NHSL1: variants seen among roughly 807,000 people sequenced by gnomAD.
The protein encoded by NHSL1 is NHS-like protein 1.
A neutral mutation model predicts 95.0 loss-of-function variants in NHSL1; 48 were observed. That is an observed-to-expected ratio of 0.51 (90% CI 0.40 to 0.64). NHSL1 has a LOEUF of 0.64. Among genes scored for constraint, NHSL1 ranks in the 30% least tolerant of loss-of-function variants. NHSL1 has a pLI of 0.00. For missense variants in NHSL1, 1,971 were observed against 2,077.7 expected (o/e 0.95, Z 1.00); for synonymous variants, 783 against 833.9 (o/e 0.94, Z 1.05).
intron 1 of NHSL1, among the ~76,000 whole-genome samples, chr6:138,613,642 T>C (rs562995865): frequency 3.3e-5 from 5 of 152,182 alleles, no homozygotes; most frequent in African/African-American, 1.2e-4. Flanking sequence ...CTGCCCTGCA[T>C]CCTGCCTTCA....
intron 1 of NHSL1, among the ~76,000 whole-genome samples, chr6:138,510,476 T>C (rs983681819): frequency 3.9e-5 from 6 of 152,196 alleles, no homozygotes; most frequent in African/African-American, 1.4e-4. Context: ...TCAAAACATT[T>C]TTTTCATTGT....
chr6:138,444,577 A>AT (rs536970644), intron 4 of NHSL1, among the ~76,000 whole-genome samples: 5,921 of 139,600 alleles, frequency 0.042, 168 homozygotes, highest in Middle Eastern at 0.059. Flanking sequence ...TGAAATCGCC[A>AT]TTTTTTTTTT....
At chr6:138,666,221 T>A (rs1169032672) in intron 1 of NHSL1, among the ~76,000 whole-genome samples, 1 of 152,098 alleles carries the variant, frequency 6.6e-6, no homozygotes, top group Non-Finnish European at 1.5e-5. Flanking sequence ...GAGAATCACT[T>A]CAACCCCAGA....
chr6:138,669,806 C>A (rs1397926753), intron 1 of NHSL1, among the ~76,000 whole-genome samples: 1 of 152,162 alleles, frequency 6.6e-6, no homozygotes, highest in African/African-American at 2.4e-5. Flanking sequence ...AGAAACTGAG[C>A]AGCCTAAGAT....
intron 5 of NHSL1, among the ~76,000 whole-genome samples, chr6:138,440,164 C>A (rs1488115520): frequency 6.6e-6 from 1 of 152,146 alleles, no homozygotes; most frequent in Non-Finnish European, 1.5e-5. Context: ...GAAGTCACAT[C>A]TCCTAAAAAG....
chr6:138,635,709 CAG>C (rs1784878574), intron 1 of NHSL1, among the ~76,000 whole-genome samples: 1 of 152,038 alleles, frequency 6.6e-6, no homozygotes, highest in Non-Finnish European at 1.5e-5. Flanking sequence ...ACCAAAAACA[CAG>C]ACACATCAAA....
intron 1 of NHSL1, among the ~76,000 whole-genome samples, chr6:138,517,069 G>A (rs1047161029): frequency 1.3e-5 from 2 of 152,214 alleles, no homozygotes; most frequent in East Asian, 1.9e-4. Flanking sequence ...AGGGATGGAA[G>A]TAAACAGTCT....
intron 1 of NHSL1, among the ~76,000 whole-genome samples, chr6:138,645,839 C>A (rs1163261390): frequency 1.3e-5 from 2 of 152,038 alleles, no homozygotes; most frequent in Non-Finnish European, 2.9e-5. Flanking sequence ...ACAAACATCA[C>A]CAGAGCAGGA....
chr6:138,655,151 C>A (rs1414707251), intron 1 of NHSL1, among the ~76,000 whole-genome samples: 1 of 152,128 alleles, frequency 6.6e-6, no homozygotes, highest in African/African-American at 2.4e-5. Context: ...CTAATGACAT[C>A]CTTGACTCAT....
chr6:138,552,666 C>A (rs1783053023), intron 1 of NHSL1, among the ~76,000 whole-genome samples: 1 of 151,980 alleles, frequency 6.6e-6, no homozygotes, highest in Non-Finnish European at 1.5e-5. Context: ...TTTCATCTTC[C>A]CAGGGAAGGT....
intron 1 of NHSL1, among the ~76,000 whole-genome samples, chr6:138,620,680 C>T (rs1330293018): frequency 6.9e-6 from 1 of 144,164 alleles, no homozygotes; most frequent in African/African-American, 2.8e-5. Flanking sequence ...AACTTTAGAA[C>T]AAATACACTT....
At chr6:138,579,552 T>C (rs1352183382) in intron 1 of NHSL1, among the ~76,000 whole-genome samples, 1 of 152,246 alleles carries the variant, frequency 6.6e-6, no homozygotes, top group African/African-American at 2.4e-5. Flanking sequence ...TCTTCATTTA[T>C]TAGGACATCT....
intron 1 of NHSL1, among the ~76,000 whole-genome samples, chr6:138,668,543 AATT>A (rs1275222677): frequency 7.9e-5 from 12 of 152,328 alleles, no homozygotes; most frequent in Admixed American, 3.9e-4. Context: ...AAACATATGC[AATT>A]ATTATCTGTC....
intron 1 of NHSL1, among the ~76,000 whole-genome samples, chr6:138,625,875 T>A (rs923673190): frequency 1.3e-5 from 2 of 152,168 alleles, no homozygotes; most frequent in African/African-American, 4.8e-5. Context: ...ACTCTTGGCC[T>A]CAAGCAATCC....
intron 1 of NHSL1, among the ~76,000 whole-genome samples, chr6:138,675,597 T>G (rs1333331844): frequency 2.0e-5 from 3 of 152,110 alleles, no homozygotes; most frequent in Non-Finnish European, 4.4e-5. Flanking sequence ...TGCAGTGGTG[T>G]GATCTCAGCT....
chr6:138,578,708 G>A (rs796878266), intron 1 of NHSL1, among the ~76,000 whole-genome samples: 5 of 148,948 alleles, frequency 3.4e-5, no homozygotes, highest in African/African-American at 1.2e-4. Context: ...CTTTTTTTTT[G>A]TAAATTGTAT....
chr6:138,473,786 C>CT (rs1562306877), intron 2 of NHSL1, among the ~76,000 whole-genome samples: 1 of 151,674 alleles, frequency 6.6e-6, no homozygotes, highest in Admixed American at 6.6e-5. Flanking sequence ...GAGCAGTGGA[C>CT]TCGGAATATT....
At chr6:138,559,057 GAA>G (rs918734422) in intron 1 of NHSL1, among the ~76,000 whole-genome samples, 1 of 121,822 alleles carries the variant, frequency 8.2e-6, no homozygotes. Flanking sequence ...TCTTTAAAAA[GAA>G]AAAAAAAAAA....
intron 2 of NHSL1, among the ~76,000 whole-genome samples, chr6:138,479,357 A>T (rs560296803): frequency 6.6e-6 from 1 of 152,318 alleles, no homozygotes; most frequent in East Asian, 1.9e-4. Context: ...GGCATATCCA[A>T]ATGGCCAGCA....
Sources: allele counts gnomAD v4.1 joint callset (sites outside exome capture counted in the v4.1 genomes callset), GRCh38; gene constraint gnomAD v4.1.1; transcripts MANE v1.5; gene names NCBI Gene and HGNC (gene_info 2026-07-23, HGNC 2026-07-21).